The following SDF2L1 variants were observed in gnomAD, a reference collection of about 807,000 sequenced individuals.
SDF2L1 encodes the protein stromal cell-derived factor 2-like protein 1.
In SDF2L1, 18 loss-of-function variants were observed where a neutral mutation model predicts 19.4. That is an observed-to-expected ratio of 0.93 (90% CI 0.64 to 1.38). The LOEUF is 1.38. Ranked by LOEUF, SDF2L1 falls within the 40% of genes most tolerant of loss-of-function variation. The pLI is 0.00. For synonymous variants in SDF2L1, 161 were observed against 148.9 expected, an observed-to-expected ratio of 1.08 and a Z score of -0.59; for missense variants, 263 against 319.4, an observed-to-expected ratio of 0.82 and a Z score of 1.35.
In SDF2L1 at chr22:21,643,876, C is replaced by T; in HGVS notation, c.385-18C>T. The T allele has an allele frequency of 6.2e-7, 1 of 1,603,930 alleles. No homozygotes were observed. Among genetic ancestry groups the T allele is most frequent in the Non-Finnish European group, 8.5e-7 (1 of 1,173,238 alleles). On this transcript the variant is annotated intron_variant, in intron 2 of 2. Transcript: ENST00000248958. The stretch of plus-strand genomic sequence containing the variant: ...CCTTCTGTGGTGACCACTGTCTTCT[C>T]ATCCTTTGCACCTATAGGAGGTGAG...
rs375468896 is a variant in SDF2L1, at chr22:21,642,326, G to A, written c.-11G>A. On this transcript the variant is annotated 5_prime_UTR_variant, in exon 1 of 3. Transcript: ENST00000248958. ...CCCCTGGGCCCGAGGGGCTGGAGCC[G>A]GGCCGGGGCGATGTGGAGCGCGGGC... The A allele has an allele frequency of 9.7e-4, 1,306 of 1,348,960 alleles. 8 individuals carry two copies. Among genetic ancestry groups the A allele is most frequent in the South Asian group, 9.4e-3 (478 of 51,056 alleles). The allele number at this position is 1,348,960 out of a possible 1,614,324, so 83.6% of individuals were successfully genotyped here.
In SDF2L1 at chr22:21,642,367, T is replaced by A. The variant is rs985284043; in HGVS notation, c.31T>A (p.Trp11Arg). MWSAGRGGAA[W>R]PVLLGLLLAL... ...GAGCGCGGGCCGCGGCGGGGCTGCCTGGCCGGTGCTGTTGGGGCTGCTGCT... is the reference window on the plus strand; with the variant it reads ...GAGCGCGGGCCGCGGCGGGGCTGCCAGGCCGGTGCTGTTGGGGCTGCTGCT... The change falls in exon 1 of 3, where the codon TGG becomes AGG. Residue 11 changes from tryptophan (W) to arginine (R), a missense_variant. By Grantham distance (101) the Trp-to-Arg change is moderately radical. Transcript: ENST00000248958. 5 of 1,410,302 alleles carry A rather than the reference T, an allele frequency of 3.5e-6. No individual in the cohort carries two copies. The highest frequency in any genetic ancestry group is 3.7e-6 in the Non-Finnish European group (4 of 1,089,420). The allele number at this position is 1,410,302 out of a possible 1,614,324, so 87.4% of individuals were successfully genotyped here. A position where few individuals can be genotyped will look rare whatever the true frequency, so the allele number is the denominator to read the frequency against.
chr22:21,642,704 G>T (rs1422322464), intron 1 of SDF2L1, among the ~76,000 whole-genome samples, 158 bp from the exon 2 acceptor site: 3 of 151,116 alleles, frequency 2.0e-5, no homozygotes, highest in South Asian at 4.2e-4. Flanking sequence ...GGGTGGGGAC[G>T]GTCGTCGGGG....
chr22:21,643,493 G>C (rs1159734617), intron 2 of SDF2L1, among the ~76,000 whole-genome samples: 1 of 152,222 alleles, frequency 6.6e-6, no homozygotes, highest in African/African-American at 2.4e-5. Flanking sequence ...GAGGTCATTG[G>C]AATTCAGGGG....
At chr22:21,643,117 G>A (rs1601470259) in intron 2 of SDF2L1, 59 bp downstream of exon 2, 2 of 1,529,816 alleles carry the variant, frequency 1.3e-6, no homozygotes, top group Admixed American at 4.1e-5. Context: ...GCCAGAGACA[G>A]AGCCCTGGGT....
chr22:21,643,436 GAA>G (rs1350896944), intron 2 of SDF2L1: 1 of 442,250 alleles, frequency 2.3e-6, no homozygotes, highest in Non-Finnish European at 4.1e-6. Flanking sequence ...CCACAAAGGG[GAA>G]AGAGAGACTT....
chr22:21,644,125 A>G lies in SDF2L1; in HGVS notation c.616A>G (p.Ile206Val). 6.2e-7 allele frequency: 1 copy of G among 1,614,198 alleles called. No individual in the cohort carries two copies. Among genetic ancestry groups the G allele is most frequent in the South Asian group, 1.1e-5 (1 of 91,090 alleles). The change falls in exon 3 of 3, where the codon ATC becomes GTC. Residue 206 changes from isoleucine (I) to valine (V), a missense_variant. Physicochemically the swap from Ile to Val is conservative, Grantham distance 29. Transcript: ENST00000248958. ...THNTWKAMEG[I>V]FIKPSVEPSA... ...CAATACGTGGAAGGCCATGGAAGGCATCTTCATCAAGCCTAGTGTGGAGCC... is the reference window on the plus strand; with the variant it reads ...CAATACGTGGAAGGCCATGGAAGGCGTCTTCATCAAGCCTAGTGTGGAGCC...
rs1287243724 is a variant in SDF2L1 at position 21,643,020 on chromosome 22, C to T, written c.346C>T (p.His116Tyr). The T allele has an allele frequency of 6.4e-7, 1 of 1,560,562 alleles. No individual in the cohort carries two copies. The highest frequency in any genetic ancestry group is 1.4e-5 in the African/African-American group (1 of 73,790). ...LTHVLTGKNL[H>Y]THHFPSPLSN... is the part of the protein sequence containing the mutation. ...GCATGTGCTTACGGGCAAGAACCTG[C>T]ACACGCACCACTTCCCGTCGCCGCT... Residue 116 changes from histidine to tyrosine, a missense_variant, in exon 2 of 3, where the codon CAC (histidine) becomes TAC (tyrosine). Around this residue, in one of 3 missense-constraint regions of SDF2L1, gnomAD observed 203 missense variants for 256.9 expected, o/e 0.79. Coordinates refer to ENST00000248958, the MANE Select transcript of SDF2L1 (RefSeq NM_022044.3).
intron 2 of SDF2L1, chr22:21,643,368 T>G: frequency 1.9e-6 from 1 of 529,438 alleles, no homozygotes; most frequent in Non-Finnish European, 3.3e-6. Context: ...AATAGGAAAC[T>G]CCACTGGGGA....
chr22:21,642,311 C>T lies in SDF2L1; in HGVS notation c.-26C>T, dbSNP rs756885105. The T allele has an allele frequency of 8.4e-6, 11 of 1,315,872 alleles. No individual in the cohort carries two copies. Among genetic ancestry groups the T allele is most frequent in the African/African-American group, 1.6e-5 (1 of 64,444 alleles). 81.5% of individuals were successfully genotyped at this position (1,315,872 alleles called of 1,614,324 possible). A position where few individuals can be genotyped will look rare whatever the true frequency, so the allele number is the denominator to read the frequency against. On this transcript the variant is annotated 5_prime_UTR_variant, in exon 1 of 3. Transcript: ENST00000248958. ...CGGGGACGGAAGCGGCCCCTGGGCC[C>T]GAGGGGCTGGAGCCGGGCCGGGGCG... is the stretch of plus-strand genomic sequence containing the variant.
At chr22:21,643,300 C>A in intron 2 of SDF2L1, 1 of 581,010 alleles carries the variant, frequency 1.7e-6, no homozygotes, top group Admixed American at 3.4e-5. Context: ...CTGGATAGCT[C>A]TTCCTCTGGT....
Position 21,644,106 on chromosome 22 carries a change from G to T in SDF2L1, c.597G>T (p.Thr199=), listed in dbSNP as rs765041507. 6 of 1,614,052 alleles carry T rather than the reference G, an allele frequency of 3.7e-6. No individual in the cohort carries two copies. The highest frequency in any genetic ancestry group is 2.7e-5 in the African/African-American group (2 of 74,904). ...HGMPSANTHN[T]WKAMEGIFIK... ...TGCCCAGTGCCAACACGCACAATAC[G>T]TGGAAGGCCATGGAAGGCATCTTCA... Residue 199 remains threonine, a synonymous_variant, in exon 3 of 3, where the codon ACG becomes ACT. Transcript: ENST00000248958.
chr22:21,643,229 G>A, intron 2 of SDF2L1, 171 bp downstream of exon 2: 1 of 769,752 alleles, frequency 1.3e-6, no homozygotes, highest in South Asian at 1.9e-5. Context: ...CCAGGATCCT[G>A]CCCTCAGGTG....
rs1456773483 is a variant in SDF2L1 at position 21,642,491 on chromosome 22, G to T, written c.155G>T (p.Arg52Leu). The change falls in exon 1 of 3, where the codon CGG (arginine) becomes CTG (leucine). Residue 52 changes from arginine to leucine, a missense_variant. Physicochemically the swap from Arg to Leu is moderately radical, Grantham distance 102 (BLOSUM62 -2). This residue lies in a region of SDF2L1 where 203 missense variants were observed against 256.9 expected (regional missense o/e 0.79). Transcript: ENST00000248958. ...LKLLNTHHRV[R>L]LHSHDIKYGS... ...CTGCTCAATACGCACCACCGCGTGC[G>T]GCTGCACTCGCACGACATCAAATAC... 6.6e-7 allele frequency: 1 copy of T among 1,517,908 alleles called. No homozygotes were observed. The allele number at this position is 1,517,908 out of a possible 1,614,324, so 94.0% of individuals were successfully genotyped here.
intron 1 of SDF2L1, 67 bp from the exon 2 acceptor site, chr22:21,642,794 TC>T: frequency 6.6e-7 from 1 of 1,521,500 alleles, no homozygotes; most frequent in Non-Finnish European, 8.9e-7. Context: ...CATGTTCTGG[TC>T]CCAGGGCGAG....
Position 21,642,306 on chromosome 22 carries a change from G to C in SDF2L1, c.-31G>C. 7.6e-7 allele frequency: 1 copy of C among 1,309,446 alleles called. No individual in the cohort carries two copies. Among genetic ancestry groups the C allele is most frequent in the Non-Finnish European group, 9.7e-7 (1 of 1,035,396 alleles). The allele number at this position is 1,309,446 out of a possible 1,614,324, so 81.1% of individuals were successfully genotyped here. On this transcript the variant is annotated 5_prime_UTR_variant, in exon 1 of 3. Transcript: ENST00000248958. ...CGCGGCGGGGACGGAAGCGGCCCCT[G>C]GGCCCGAGGGGCTGGAGCCGGGCCG...
Position 21,643,908 on chromosome 22 carries a change from T to A in SDF2L1, c.399T>A (p.Phe133Leu). ...TGCACCTATAGGAGGTGAGTGCCTT[T>A]GGGGAAGACGGCGAGGGCGACGACC... ...PLSNNQEVSA[F>L]GEDGEGDDLD... The change falls in exon 3 of 3, where the codon TTT becomes TTA. Residue 133 changes from phenylalanine (F) to leucine (L), a missense_variant. This residue lies in a region of SDF2L1 where 203 missense variants were observed against 256.9 expected (regional missense o/e 0.79). Transcript: ENST00000248958. 6.2e-7 allele frequency: 1 copy of A among 1,613,122 alleles called. No individual in the cohort carries two copies. Among genetic ancestry groups the A allele is most frequent in the South Asian group, 1.1e-5 (1 of 91,056 alleles).
chr22:21,642,322 A>G lies in SDF2L1; in HGVS notation c.-15A>G, dbSNP rs2066084462. 7.5e-7 allele frequency: 1 copy of G among 1,340,426 alleles called. No individual in the cohort carries two copies. Among genetic ancestry groups the G allele is most frequent in the Admixed American group, 4.2e-5 (1 of 24,028 alleles). 83.0% of individuals were successfully genotyped at this position (1,340,426 alleles called of 1,614,324 possible). A position where few individuals can be genotyped will look rare whatever the true frequency, so the allele number is the denominator to read the frequency against. ...GCGGCCCCTGGGCCCGAGGGGCTGG[A>G]GCCGGGCCGGGGCGATGTGGAGCGC... is the stretch of plus-strand genomic sequence containing the variant. On this transcript the variant is annotated 5_prime_UTR_variant, in exon 1 of 3. Transcript: ENST00000248958.
At position 21,642,921 on chromosome 22, in the gene SDF2L1, C is replaced by G. The variant is rs576677117; in HGVS notation, c.247C>G (p.Arg83Gly). Residue 83 changes from arginine (R) to glycine (G), a missense_variant, in exon 2 of 3, where the codon CGG becomes GGG. Around this residue, in one of 3 missense-constraint regions of SDF2L1, gnomAD observed 203 missense variants for 256.9 expected, o/e 0.79. Coordinates refer to ENST00000248958, the MANE Select transcript of SDF2L1 (RefSeq NM_022044.3). ...GTCGGACGACGCCAATAGCTACTGG[C>G]GGATCCGCGGCGGCTCGGAGGGCGG... Reference protein sequence around the residue: ...EASDDANSYWRIRGGSEGGCP... With the variant: ...EASDDANSYWGIRGGSEGGCP... The G allele has an allele frequency of 6.3e-7, 1 of 1,587,176 alleles. No individual in the cohort carries two copies. The highest frequency in any genetic ancestry group is 8.6e-7 in the Non-Finnish European group (1 of 1,168,594).
Sources: gnomAD v4.1 joint callset for allele counts (sites outside exome capture counted in the v4.1 genomes callset) on GRCh38, gnomAD v4.1.1 for gene constraint, gnomAD v4.1.1 regional missense constraint, MANE v1.5 for transcripts, NCBI Gene and HGNC (gene_info 2026-07-23, HGNC 2026-07-21) for gene names.